Variants in SLC35C1 observed in about 807,000 individuals in gnomAD.
SLC35C1 encodes the protein solute carrier family 35 member C1, also known as GDP-fucose transporter 1.
SLC35C1 carries 8 observed loss-of-function variants against 23.2 expected under a neutral mutation model. The ratio of observed to expected loss-of-function variants is 0.35; its 90% CI spans 0.20 to 0.62. The LOEUF is 0.62. Among genes scored for constraint, SLC35C1 ranks in the 20% least tolerant of loss-of-function variants. SLC35C1 has a pLI of 0.75. For synonymous variants in SLC35C1, 226 were observed against 225.1 expected (o/e 1.00, Z -0.04); for missense variants, 422 against 478.6 (o/e 0.88, Z 1.10).
Position 45,810,819 on chromosome 11 carries a change from C to G in SLC35C1, c.579C>G (p.Thr193=). 1 of 1,612,956 alleles carries G rather than the reference C, an allele frequency of 6.2e-7. No homozygotes were observed. Among genetic ancestry groups the G allele is most frequent in the Non-Finnish European group, 8.5e-7 (1 of 1,179,992 alleles). Reference sequence around the variant, plus strand: ...TGGACCAGGAGGGGGCAGAAGGCACCCTGTCGTGGCTGGGCACCGTCTTCG... The same window carrying G: ...TGGACCAGGAGGGGGCAGAAGGCACGCTGTCGTGGCTGGGCACCGTCTTCG... ...LGVDQEGAEG[T]LSWLGTVFGV... is the part of the protein sequence containing the mutation. Residue 193 remains threonine (T), a synonymous_variant, in exon 2 of 2, where the codon ACC becomes ACG. Coordinates refer to ENST00000314134, the MANE Select transcript of SLC35C1 (RefSeq NM_018389.5).
Position 45,806,101 on chromosome 11 carries a change from T to C in SLC35C1, c.300T>C (p.Gly100=). The C allele has an allele frequency of 6.2e-7, 1 of 1,610,704 alleles. No individual in the cohort carries two copies. The highest frequency in any genetic ancestry group is 8.5e-7 in the Non-Finnish European group (1 of 1,179,992). Residue 100 remains glycine (G), a synonymous_variant, in exon 1 of 2, where the codon GGT becomes GGC. Transcript: ENST00000314134. ...GLSALAACCP[G]AVDFPSLRLD... ...GCGCTCTGGCCGCCTGCTGCCCTGGTGCCGTGGACTTCCCCAGCTTGCGCC... is the reference window on the plus strand; with the variant it reads ...GCGCTCTGGCCGCCTGCTGCCCTGGCGCCGTGGACTTCCCCAGCTTGCGCC...
upstream of SLC35C1, chr11:45,804,234 G>A (rs2085842291): frequency 6.5e-6 from 1 of 153,124 alleles, no homozygotes; most frequent in Non-Finnish European, 1.5e-5. Context: ...CTCCTCCCAC[G>A]ACCGTCCGGA....
In SLC35C1 at chr11:45,806,345, C is replaced by T; in HGVS notation, c.535+9C>T. ...CTGCGGTATCATCATCGGTGAGTGG[C>T]AGCTGGGGCCACGGGGGATAGAGTG... On this transcript the variant is annotated intron_variant, in intron 1 of 1. Coordinates refer to ENST00000314134, the MANE Select transcript of SLC35C1 (RefSeq NM_018389.5). The T allele has an allele frequency of 6.2e-7, 1 of 1,611,840 alleles. No individual in the cohort carries two copies. Among genetic ancestry groups the T allele is most frequent in the Non-Finnish European group, 8.5e-7 (1 of 1,179,896 alleles).
rs962459624 is a variant in SLC35C1, at chr11:45,810,944, A to G, written c.704A>G (p.Asn235Ser). 7 of 1,612,546 alleles carry G rather than the reference A, an allele frequency of 4.3e-6. No homozygotes were observed. Among genetic ancestry groups the G allele is most frequent in the African/African-American group, 1.3e-5 (1 of 75,008 alleles). The change falls in exon 2 of 2, where the codon AAC (asparagine) becomes AGC (serine). Residue 235 changes from asparagine (N) to serine (S), a missense_variant. Coordinates refer to ENST00000314134, the MANE Select transcript of SLC35C1 (RefSeq NM_018389.5). ...GSIWRLTFYNNVNACILFLPL... is the reference protein window; with the variant it reads ...GSIWRLTFYNSVNACILFLPL... ...ATCTGGCGCCTGACTTTCTACAACA[A>G]CGTCAACGCCTGCATCCTCTTCCTG... is the stretch of plus-strand genomic sequence containing the variant.
chr11:45,806,211 A>C lies in SLC35C1; in HGVS notation c.410A>C (p.Tyr137Ser), dbSNP rs1183848479. 1.9e-6 allele frequency: 3 copies of C among 1,605,838 alleles called. No individual in the cohort carries two copies. Among genetic ancestry groups the C allele is most frequent in the Non-Finnish European group, 1.7e-6 (2 of 1,179,948 alleles). The change falls in exon 1 of 2, where the codon TAC (tyrosine) becomes TCC (serine). Residue 137 changes from tyrosine (Y) to serine (S), a missense_variant. Coordinates refer to ENST00000314134, the MANE Select transcript of SLC35C1 (RefSeq NM_018389.5). ...ACCTTCAATAACCTCTGCCTCAAGTACGTCGGTGTGGCCTTCTACAATGTG... is the reference window on the plus strand; with the variant it reads ...ACCTTCAATAACCTCTGCCTCAAGTCCGTCGGTGTGGCCTTCTACAATGTG... ...MITFNNLCLK[Y>S]VGVAFYNVGR...
intron 1 of SLC35C1, chr11:45,810,224 C>T: frequency 1.0e-6 from 1 of 985,384 alleles, no homozygotes; most frequent in Non-Finnish European, 1.2e-6. Flanking sequence ...AGTCACTGCC[C>T]CAAATGACAC....
chr11:45,806,137 G>C lies in SLC35C1; in HGVS notation c.336G>C (p.Arg112Ser), dbSNP rs1348372856. ...VDFPSLRLDL[R>S]VARSVLPLSV... Reference sequence around the variant, plus strand: ...TCCCCAGCTTGCGCCTGGACCTCAGGGTGGCCCGCAGCGTCCTGCCCCTGT... The same window carrying C: ...TCCCCAGCTTGCGCCTGGACCTCAGCGTGGCCCGCAGCGTCCTGCCCCTGT... Residue 112 changes from arginine to serine, a missense_variant, in exon 1 of 2, where the codon AGG becomes AGC. Physicochemically the swap from Arg to Ser is moderately radical, Grantham distance 110 (BLOSUM62 -1). Coordinates refer to ENST00000314134, the MANE Select transcript of SLC35C1 (RefSeq NM_018389.5). The C allele has an allele frequency of 6.2e-7, 1 of 1,607,732 alleles. No individual in the cohort carries two copies. The highest frequency in any genetic ancestry group is 1.3e-5 in the African/African-American group (1 of 74,874).
chr11:45,804,911 G>A (rs371357839), upstream of SLC35C1: 10 of 985,506 alleles, frequency 1.0e-5, no homozygotes, highest in African/African-American at 1.7e-5. Context: ...GTGGGCAGGC[G>A]AGGTTGATGG....
At chr11:45,804,440 C>T, upstream of SLC35C1, 1 of 977,876 alleles carries the variant, frequency 1.0e-6, no homozygotes, top group Non-Finnish European at 1.2e-6. Flanking sequence ...AGGTCGCCTT[C>T]GCGGCCCGGG....
rs2085967789 is a variant in SLC35C1 at position 45,812,926 on chromosome 11, C to T, written c.*1591C>T. On this transcript the variant is annotated 3_prime_UTR_variant, in exon 2 of 2. Transcript: ENST00000314134. Reference sequence around the variant, plus strand: ...AGCGGGTCTTCTCCCCCCTCCCTCTCCAGTCCCCTCACAATCCCAGATGGG... The same window carrying T: ...AGCGGGTCTTCTCCCCCCTCCCTCTTCAGTCCCCTCACAATCCCAGATGGG... 1 of 303,826 alleles carries T rather than the reference C, an allele frequency of 3.3e-6. No individual in the cohort carries two copies. The highest frequency in any genetic ancestry group is 6.6e-6 in the Non-Finnish European group (1 of 150,568). 18.8% of individuals were successfully genotyped at this position (303,826 alleles called of 1,614,324 possible).
chr11:45,812,319 C>T lies in SLC35C1; in HGVS notation c.*984C>T, dbSNP rs956055415. On this transcript the variant is annotated 3_prime_UTR_variant, in exon 2 of 2. Transcript: ENST00000314134. ...GGAGGTGTTACAGCTGGTTCTGAGC[C>T]GCTTGCCTTGTGATGGTAAGACACC... 4.8e-5 allele frequency: 17 copies of T among 350,728 alleles called. 1 individual carries two copies. Among genetic ancestry groups the T allele is most frequent in the African/African-American group, 2.1e-4 (10 of 46,670 alleles). The allele number at this position is 350,728 out of a possible 1,614,324, so 21.7% of individuals were successfully genotyped here.
intron 1 of SLC35C1, chr11:45,806,973 T>G: frequency 1.2e-6 from 1 of 830,082 alleles, no homozygotes. Flanking sequence ...CTTCCTGGAC[T>G]TGACCCTCAG....
In SLC35C1 at chr11:45,805,335, G is replaced by GGCCCCCCCCCCCC; in HGVS notation, c.-467_-466insGCCCCCCCCCCCC. The stretch of plus-strand genomic sequence containing the variant: ...GCTCCCTGTACGCCTCCCTCCCCCT[G>GGCCCCCCCCCCCC]CCCGCCCCTCCCTCCCACAGCCGCC... On this transcript the variant is annotated 5_prime_UTR_variant, in exon 1 of 2. Coordinates refer to ENST00000314134, the MANE Select transcript of SLC35C1 (RefSeq NM_018389.5). 5.3e-6 allele frequency: 3 copies of GGCCCCCCCCCCCC among 566,218 alleles called. No individual in the cohort carries two copies. Among genetic ancestry groups the GGCCCCCCCCCCCC allele is most frequent in the Non-Finnish European group, 6.2e-6 (3 of 483,472 alleles). 35.1% of individuals were successfully genotyped at this position (566,218 alleles called of 1,614,324 possible). A position where few individuals can be genotyped will look rare whatever the true frequency, so the allele number is the denominator to read the frequency against.
chr11:45,806,890 C>G (rs2085884055), intron 1 of SLC35C1: 11 of 985,244 alleles, frequency 1.1e-5, no homozygotes, highest in Non-Finnish European at 1.3e-5. Flanking sequence ...AATAAATATA[C>G]CATCACTCTC....
At position 45,812,749 on chromosome 11, in the gene SLC35C1, C is replaced by T; in HGVS notation, c.*1414C>T. 1 of 440,918 alleles carries T rather than the reference C, an allele frequency of 2.3e-6. No homozygotes were observed. Among genetic ancestry groups the T allele is most frequent in the South Asian group, 1.6e-5 (1 of 63,578 alleles). 27.3% of individuals were successfully genotyped at this position (440,918 alleles called of 1,614,324 possible). A position where few individuals can be genotyped will look rare whatever the true frequency, so the allele number is the denominator to read the frequency against. On this transcript the variant is annotated 3_prime_UTR_variant, in exon 2 of 2. Coordinates refer to ENST00000314134, the MANE Select transcript of SLC35C1 (RefSeq NM_018389.5). ...GAATTTGCAGGGGGAGTGGGGGACA[C>T]ACACAAATTTCGGGGCCATACCACC...
chr11:45,811,025 G>A lies in SLC35C1; in HGVS notation c.785G>A (p.Gly262Asp), dbSNP rs1247257057. ...LQALRDFAQL[G>D]SAHFWGMMTL... The stretch of plus-strand genomic sequence containing the variant: ...GCCCTGCGTGACTTTGCCCAGCTGG[G>A]CAGTGCCCACTTCTGGGGGATGATG... Residue 262 changes from glycine to aspartate, a missense_variant, in exon 2 of 2, where the codon GGC becomes GAC. Physicochemically the swap from Gly to Asp is moderately conservative, Grantham distance 94. Coordinates refer to ENST00000314134, the MANE Select transcript of SLC35C1 (RefSeq NM_018389.5). The A allele has an allele frequency of 1.9e-6, 3 of 1,612,912 alleles. No homozygotes were observed. Among genetic ancestry groups the A allele is most frequent in the Non-Finnish European group, 1.7e-6 (2 of 1,180,038 alleles).
chr11:45,806,212 C>T lies in SLC35C1; in HGVS notation c.411C>T (p.Tyr137=), dbSNP rs1307540035. ...MITFNNLCLK[Y]VGVAFYNVGR... The stretch of plus-strand genomic sequence containing the variant: ...CCTTCAATAACCTCTGCCTCAAGTA[C>T]GTCGGTGTGGCCTTCTACAATGTGG... The change falls in exon 1 of 2, where the codon TAC becomes TAT. Residue 137 remains tyrosine, a synonymous_variant. Coordinates refer to ENST00000314134, the MANE Select transcript of SLC35C1 (RefSeq NM_018389.5). 2 of 1,606,100 alleles carry T rather than the reference C, an allele frequency of 1.2e-6. No individual in the cohort carries two copies. The highest frequency in any genetic ancestry group is 1.7e-6 in the Non-Finnish European group (2 of 1,179,984).
In SLC35C1 at chr11:45,811,337, C is replaced by T; in HGVS notation, c.*2C>T. 2 of 1,501,748 alleles carry T rather than the reference C, an allele frequency of 1.3e-6. No individual in the cohort carries two copies. The highest frequency in any genetic ancestry group is 1.8e-6 in the Non-Finnish European group (2 of 1,136,048). 93.0% of individuals were successfully genotyped at this position (1,501,748 alleles called of 1,614,324 possible). On this transcript the variant is annotated 3_prime_UTR_variant, in exon 2 of 2. Coordinates refer to ENST00000314134, the MANE Select transcript of SLC35C1 (RefSeq NM_018389.5). Reference sequence around the variant, plus strand: ...GAGAAGAGCGCCATGGGGGTGTGAGCACCACAGGCACCCTGGATGGCCCGG... The same window carrying T: ...GAGAAGAGCGCCATGGGGGTGTGAGTACCACAGGCACCCTGGATGGCCCGG...
In SLC35C1 at chr11:45,812,866, G is replaced by C; in HGVS notation, c.*1531G>C. 2.9e-6 allele frequency: 1 copy of C among 347,672 alleles called. No individual in the cohort carries two copies. Among genetic ancestry groups the C allele is most frequent in the Non-Finnish European group, 5.7e-6 (1 of 175,282 alleles). 21.5% of individuals were successfully genotyped at this position (347,672 alleles called of 1,614,324 possible). A position where few individuals can be genotyped will look rare whatever the true frequency, so the allele number is the denominator to read the frequency against. ...TGTCCTTTCTCTTGGGGTGATTTCT[G>C]ATGTTTTTACTCTATATAGTGAAAA... On this transcript the variant is annotated 3_prime_UTR_variant, in exon 2 of 2. Coordinates refer to ENST00000314134, the MANE Select transcript of SLC35C1 (RefSeq NM_018389.5).
Sources: gnomAD v4.1 joint callset for allele counts on GRCh38, gnomAD v4.1.1 for gene constraint, MANE v1.5 for transcripts, NCBI Gene and HGNC (gene_info 2026-07-23, HGNC 2026-07-21) for gene names.